The following PAPOLA variants were observed in gnomAD, a reference collection of about 807,000 sequenced individuals.
The protein encoded by PAPOLA is polynucleotide adenylyltransferase alpha.
In PAPOLA, 15 loss-of-function variants were observed where a neutral mutation model predicts 100.6. That is an observed-to-expected ratio of 0.15 (90% CI 0.10 to 0.23). The LOEUF is 0.23. Ranked by LOEUF, PAPOLA falls within the 10% of genes least tolerant of loss-of-function variation. The pLI, the probability that PAPOLA is intolerant of heterozygous loss-of-function variation, is 1.00. For missense variants in PAPOLA, 533 were observed against 884.2 expected (o/e 0.60, Z 5.04); for synonymous variants, 293 against 300.0 (o/e 0.98, Z 0.24).
rs1896342075 is a variant in PAPOLA, at chr14:96,502,489, G to A, written c.-104G>A. ...CGGGAGAGGGGTTGGACCCAGGGCT[G>A]AGGCAGGCCCCCCCCTCCCTCCCGC... On this transcript the variant is annotated 5_prime_UTR_variant, in exon 1 of 22. Transcript: ENST00000216277. 1 of 900,092 alleles carries A rather than the reference G, an allele frequency of 1.1e-6. No individual in the cohort carries two copies. The allele number at this position is 900,092 out of a possible 1,614,324, so 55.8% of individuals were successfully genotyped here. A position where few individuals can be genotyped will look rare whatever the true frequency, so the allele number is the denominator to read the frequency against.
intron 19 of PAPOLA, 171 bp from the exon 20 acceptor site, chr14:96,560,478 T>A (rs75173765): frequency 0.032 from 17,110 of 533,212 alleles, 545 homozygotes; most frequent in South Asian, 0.098. Context: ...GAAGCCAAAT[T>A]TAATCTGATA....
intron 16 of PAPOLA, 80 bp from the exon 17 acceptor site, chr14:96,552,400 T>C (rs1344220146): frequency 7.9e-7 from 1 of 1,268,670 alleles, no homozygotes; most frequent in African/African-American, 1.5e-5. Context: ...AAAAATCATA[T>C]ATGTTAAGTA....
rs374418175 is a variant in PAPOLA, at chr14:96,565,440, A to G, written c.*390A>G. 7.0e-5 allele frequency: 24 copies of G among 343,550 alleles called. No homozygotes were observed. The highest frequency in any genetic ancestry group is 4.0e-4 in the African/African-American group (19 of 47,670). 21.3% of individuals were successfully genotyped at this position (343,550 alleles called of 1,614,324 possible). On this transcript the variant is annotated 3_prime_UTR_variant, in exon 22 of 22. Coordinates refer to ENST00000216277, the MANE Select transcript of PAPOLA (RefSeq NM_032632.5). Reference sequence around the variant, plus strand: ...TGCACTTTTATGTATTTTTCATTAGAAAGTAGAACTAATTTTAGATTTTCA... The same window carrying G: ...TGCACTTTTATGTATTTTTCATTAGGAAGTAGAACTAATTTTAGATTTTCA...
intron 16 of PAPOLA, among the ~76,000 whole-genome samples, chr14:96,551,397 C>T (rs1168441669): frequency 2.6e-5 from 4 of 152,140 alleles, no homozygotes; most frequent in East Asian, 1.9e-4. Flanking sequence ...TTCTATTTCA[C>T]GACTGACTTC....
At chr14:96,552,984 T>C (rs191789475) in intron 17 of PAPOLA, 254 of 174,664 alleles carry the variant, frequency 1.5e-3, no homozygotes, top group Non-Finnish European at 2.7e-3. Context: ...TGCTTATACC[T>C]TTGTAACAGG....
intron 19 of PAPOLA, among the ~76,000 whole-genome samples, chr14:96,558,540 G>A (rs1566867509): frequency 6.6e-6 from 1 of 151,968 alleles, no homozygotes; most frequent in Non-Finnish European, 1.5e-5. Context: ...TTCTTGTCTG[G>A]TTTAGAAAAG....
intron 1 of PAPOLA, chr14:96,504,559 G>A (rs942316862): frequency 6.6e-6 from 1 of 152,336 alleles, no homozygotes; most frequent in African/African-American, 2.4e-5. Context: ...AAGTTAGCTG[G>A]GCGTGGTGGC....
Position 96,564,496 on chromosome 14 carries a change from ATTTG to A in PAPOLA, c.2143-455_2143-452del, listed in dbSNP as rs1334338587. 4.6e-5 allele frequency among the ~76,000 whole-genome samples: 7 copies of A among 152,200 alleles called. No individual in the cohort carries two copies. In the East Asian group the frequency reaches 1.3e-3, roughly 29 times the overall value. ...ATTAAATTATTGCTTAGCTGTATATATTTGTTTAATTTACAGTGTCAGAAAATAA... is the reference window on the plus strand; with the variant it reads ...ATTAAATTATTGCTTAGCTGTATATATTTAATTTACAGTGTCAGAAAATAA... On this transcript the variant is annotated intron_variant, in intron 21 of 21. Coordinates refer to ENST00000216277, the MANE Select transcript of PAPOLA (RefSeq NM_032632.5).
At chr14:96,556,621 A>G (rs535509713) in intron 19 of PAPOLA, among the ~76,000 whole-genome samples, 27 of 152,206 alleles carry the variant, frequency 1.8e-4, no homozygotes, top group Non-Finnish European at 2.9e-4. Context: ...CTATAAAGCT[A>G]TGCCCTCTCA....
At chr14:96,532,849 G>A in intron 9 of PAPOLA, 200 bp downstream of exon 9, 1 of 1,296,682 alleles carries the variant, frequency 7.7e-7, no homozygotes, top group Middle Eastern at 3.0e-4. Context: ...GGATAGTAAG[G>A]CAGATTCTAT....
Position 96,527,289 on chromosome 14 carries a change from A to G in PAPOLA, c.332-141A>G, listed in dbSNP as rs1451300486. On this transcript the variant is annotated intron_variant, in intron 4 of 21. Transcript: ENST00000216277. ...TCATGTTTGTCCTCCATTGACTGGT[A>G]ATTTTAAGTAAGGGGTGGAACATTT... 4 of 598,380 alleles carry G rather than the reference A, an allele frequency of 6.7e-6. No homozygotes were observed. The East Asian group carries it at 1.1e-4, about 17-fold the overall frequency. 37.1% of individuals were successfully genotyped at this position (598,380 alleles called of 1,614,324 possible). A position where few individuals can be genotyped will look rare whatever the true frequency, so the allele number is the denominator to read the frequency against.
Position 96,502,402 on chromosome 14 carries a change from C to G in PAPOLA, c.-191C>G, listed in dbSNP as rs1180009265. ...GTTCTAGAACGTTGCTGTGGTAGCG[C>G]TCGGGCGCCATGTTAGGACGAAGGG... On this transcript the variant is annotated 5_prime_UTR_variant, in exon 1 of 22. Transcript: ENST00000216277. 5.7e-6 allele frequency: 4 copies of G among 697,440 alleles called. No individual in the cohort carries two copies. The highest frequency in any genetic ancestry group is 5.3e-5 in the African/African-American group (3 of 56,372). The allele number at this position is 697,440 out of a possible 1,614,324, so 43.2% of individuals were successfully genotyped here. A position where few individuals can be genotyped will look rare whatever the true frequency, so the allele number is the denominator to read the frequency against.
At chr14:96,519,244 T>G (rs1897740011) in intron 1 of PAPOLA, among the ~76,000 whole-genome samples, 1 of 152,108 alleles carries the variant, frequency 6.6e-6, no homozygotes, top group Non-Finnish European at 1.5e-5. Flanking sequence ...CTTAATTTCT[T>G]AAGGAATGGA....
At chr14:96,509,712 C>T (rs964479418) in intron 1 of PAPOLA, among the ~76,000 whole-genome samples, 1 of 152,124 alleles carries the variant, frequency 6.6e-6, no homozygotes, top group Admixed American at 6.5e-5. Flanking sequence ...ATACTGTAGG[C>T]ACTTGTAACA....
At chr14:96,509,357 G>A (rs117915648) in intron 1 of PAPOLA, among the ~76,000 whole-genome samples, 411 of 152,240 alleles carry the variant, frequency 2.7e-3, no homozygotes, top group Non-Finnish European at 4.4e-3. Flanking sequence ...ATAGTTTCAA[G>A]TAGAATTAAT....
chr14:96,560,630 C>CTT lies in PAPOLA; in HGVS notation c.2005-10_2005-9dup. 8 of 1,428,652 alleles carry CTT rather than the reference C, an allele frequency of 5.6e-6. No individual in the cohort carries two copies. Among genetic ancestry groups the CTT allele is most frequent in the African/African-American group, 1.4e-5 (1 of 69,290 alleles). The allele number at this position is 1,428,652 out of a possible 1,614,324, so 88.5% of individuals were successfully genotyped here. ...AAATTTTTCATTTTAGAGAATAAAG[C>CTT]TTTTTTTTTTAAAAACAGGATGAAA... On this transcript the variant is annotated intron_variant, in intron 19 of 21. Coordinates refer to ENST00000216277, the MANE Select transcript of PAPOLA (RefSeq NM_032632.5).
At chr14:96,531,044 C>T (rs1898969037) in intron 6 of PAPOLA, among the ~76,000 whole-genome samples, 2 of 152,068 alleles carry the variant, frequency 1.3e-5, no homozygotes, top group African/African-American at 4.8e-5. Flanking sequence ...GCTCTGTCAC[C>T]CAGGCTGTAG....
At chr14:96,543,526 A>ATTTGTGT (rs1367592493) in intron 14 of PAPOLA, among the ~76,000 whole-genome samples, 9 of 151,988 alleles carry the variant, frequency 5.9e-5, no homozygotes, top group African/African-American at 1.9e-4. Context: ...GGATCATTAA[A>ATTTGTGT]TTTGTGTTAT....
At chr14:96,557,521 T>C (rs953557549) in intron 19 of PAPOLA, among the ~76,000 whole-genome samples, 2 of 152,030 alleles carry the variant, frequency 1.3e-5, no homozygotes. Flanking sequence ...CAGTGAGGCA[T>C]TTGCAATTGC....
Sources: gnomAD v4.1 joint callset for allele counts (sites outside exome capture counted in the v4.1 genomes callset) on GRCh38, gnomAD v4.1.1 for gene constraint, MANE v1.5 for transcripts, NCBI Gene and HGNC (gene_info 2026-07-23, HGNC 2026-07-21) for gene names.